Variants in ZNF432 observed in about 807,000 individuals in gnomAD.
ZNF432 encodes the protein zinc finger protein 432.
In ZNF432, 10 loss-of-function variants were observed where a neutral mutation model predicts 13.9. The observed-to-expected ratio is 0.72, with a 90% confidence interval of 0.44 to 1.22. The LOEUF (loss-of-function observed/expected upper bound fraction) is 1.22. ZNF432 is among the 50% of genes most tolerant of loss of function. The probability of loss-of-function intolerance (pLI) is 0.00; values close to 1 mark genes in which losing one functional copy is unlikely to be tolerated. For missense variants in ZNF432, 793 were observed against 796.2 expected, an observed-to-expected ratio of 1.00 and a Z score of 0.05; for synonymous variants, 247 against 256.2, an observed-to-expected ratio of 0.96 and a Z score of 0.34.
At chr19:52,048,048 T>C (rs1038240830) in intron 1 of ZNF432, among the ~76,000 whole-genome samples, 3 of 151,198 alleles carry the variant, frequency 2.0e-5, no homozygotes, top group Non-Finnish European at 2.9e-5. Context: ...AGAAAACTCA[T>C]TGTGGAGGAG....
rs16983401 is a variant in ZNF432 at position 52,041,363 on chromosome 19, G to A, written c.142+117C>T. ...GTATATCCTTTTATCAGAAGCCAGA[G>A]GATGTGCCAAAAATCTAATATTCAG... On this transcript the variant is annotated intron_variant, in intron 3 of 4. Transcript: ENST00000221315. The A allele has an allele frequency of 4.0e-3, 5,303 of 1,339,652 alleles. 168 individuals carry two copies. The African/African-American group carries it at 0.069, about 17-fold the overall frequency. 83.0% of individuals were successfully genotyped at this position (1,339,652 alleles called of 1,614,324 possible).
chr19:52,036,332 T>C (rs1469335875), intron 4 of ZNF432, among the ~76,000 whole-genome samples: 1 of 152,216 alleles, frequency 6.6e-6, no homozygotes, highest in African/African-American at 2.4e-5. Flanking sequence ...TAAGTGTGGT[T>C]TGATGGAGCA....
intron 2 of ZNF432, among the ~76,000 whole-genome samples, chr19:52,044,282 A>G (rs1455501392): frequency 6.6e-6 from 1 of 152,186 alleles, no homozygotes; most frequent in East Asian, 1.9e-4. Context: ...TTCATACTCA[A>G]AAATAAGTTT....
rs776274097 is a variant in ZNF432 at position 52,034,799 on chromosome 19, A to G, written c.880T>C (p.Cys294Arg). The change falls in exon 5 of 5, where the codon TGT becomes CGT. Residue 294 changes from cysteine (C) to arginine (R), a missense_variant. Transcript: ENST00000221315. ...CGCTTGCCTGGGAAGCCTTTTCCAC[A>G]TTCATTGCATATGTAGGGTTTCTCT... ...TGEKPYICNE[C>R]GKGFPGKRNL... 6.2e-7 allele frequency: 1 copy of G among 1,612,400 alleles called. No homozygotes were observed. Among genetic ancestry groups the G allele is most frequent in the Non-Finnish European group, 8.5e-7 (1 of 1,179,266 alleles).
At chr19:52,045,877 C>T (rs2087176624) in intron 2 of ZNF432, among the ~76,000 whole-genome samples, 1 of 151,326 alleles carries the variant, frequency 6.6e-6, no homozygotes, top group African/African-American at 2.4e-5. Flanking sequence ...CACCTGTAAT[C>T]CCAGCTACTC....
intron 2 of ZNF432, among the ~76,000 whole-genome samples, chr19:52,046,389 T>C (rs2087183615): frequency 6.6e-6 from 1 of 152,220 alleles, no homozygotes; most frequent in Admixed American, 6.5e-5. Flanking sequence ...GCCTGGTCTA[T>C]TTCCATAGGA....
chr19:52,036,477 G>C (rs2087082107), intron 4 of ZNF432, among the ~76,000 whole-genome samples: 1 of 152,210 alleles, frequency 6.6e-6, no homozygotes, highest in South Asian at 2.1e-4. Context: ...TGAGCCACTG[G>C]GTAGATGACA....
At chr19:52,045,449 C>A (rs918850510) in intron 2 of ZNF432, among the ~76,000 whole-genome samples, 1 of 150,210 alleles carries the variant, frequency 6.7e-6, no homozygotes, top group Admixed American at 6.6e-5. Context: ...CTCCACCTCC[C>A]GGATTCAAGC....
intron 2 of ZNF432, among the ~76,000 whole-genome samples, chr19:52,045,547 G>C (rs1028631459): frequency 6.6e-6 from 1 of 150,850 alleles, no homozygotes; most frequent in South Asian, 2.1e-4. Flanking sequence ...GTAGAGATAC[G>C]GTTTCTCCAT....
intron 4 of ZNF432, chr19:52,040,264 G>T (rs2087121525): frequency 1.8e-6 from 1 of 559,964 alleles, no homozygotes; most frequent in Admixed American, 3.2e-5. Context: ...TTTAAGAAGA[G>T]AACTCCATAG....
chr19:52,033,678 G>A lies in ZNF432; in HGVS notation c.*42C>T, dbSNP rs2123141111. The A allele has an allele frequency of 6.5e-7, 1 of 1,529,502 alleles. No individual in the cohort carries two copies. Among genetic ancestry groups the A allele is most frequent in the Non-Finnish European group, 8.8e-7 (1 of 1,142,634 alleles). The allele number at this position is 1,529,502 out of a possible 1,614,324, so 94.7% of individuals were successfully genotyped here. On this transcript the variant is annotated 3_prime_UTR_variant, in exon 5 of 5. Transcript: ENST00000221315. ...TGTGAAATCTCTGATGTTGTACAAG[G>A]CAGATTTTCTTCCCAAAGGCATGAA...
chr19:52,043,958 A>G (rs1210929748), intron 2 of ZNF432, among the ~76,000 whole-genome samples: 1 of 152,064 alleles, frequency 6.6e-6, no homozygotes, highest in Non-Finnish European at 1.5e-5. Flanking sequence ...GGCTGGCGGG[A>G]TCCTCCATAT....
rs2087036300 is a variant in ZNF432 at position 52,033,562 on chromosome 19, T to C, written c.*158A>G. The C allele has an allele frequency of 3.7e-6, 3 of 810,932 alleles. No homozygotes were observed. Among genetic ancestry groups the C allele is most frequent in the South Asian group, 4.7e-5 (2 of 42,158 alleles). The allele number at this position is 810,932 out of a possible 1,614,324, so 50.2% of individuals were successfully genotyped here. The stretch of plus-strand genomic sequence containing the variant: ...CAGAGCCTGAATTCATGTTGAAGCC[T>C]TTCTGACATTGATAGCATTCATCCT... On this transcript the variant is annotated 3_prime_UTR_variant, in exon 5 of 5. Coordinates refer to ENST00000221315, the MANE Select transcript of ZNF432 (RefSeq NM_014650.4).
intron 2 of ZNF432, among the ~76,000 whole-genome samples, chr19:52,046,648 T>C (rs149376430): frequency 1.1e-3 from 173 of 152,312 alleles, no homozygotes; most frequent in African/African-American, 3.9e-3. Context: ...GCTAAGGTAA[T>C]GGAAAGGATC....
chr19:52,038,416 G>A (rs1483299366), intron 4 of ZNF432, among the ~76,000 whole-genome samples: 1 of 152,152 alleles, frequency 6.6e-6, no homozygotes, highest in African/African-American at 2.4e-5. Flanking sequence ...CAGCCTTCCT[G>A]AGTAGCTGGG....
intron 2 of ZNF432, 89 bp downstream of exon 2, chr19:52,046,765 A>G (rs1002328473): frequency 2.9e-6 from 4 of 1,382,794 alleles, no homozygotes; most frequent in African/African-American, 1.4e-5. Context: ...TTTAAAGTTT[A>G]TTTCTCTCTA....
intron 3 of ZNF432, among the ~76,000 whole-genome samples, chr19:52,041,158 T>C (rs112777689): frequency 7.9e-5 from 12 of 152,258 alleles, no homozygotes; most frequent in African/African-American, 2.6e-4. Context: ...ACTATGTACA[T>C]AGCATTTACA....
chr19:52,042,924 C>A (rs2087149155), intron 2 of ZNF432, among the ~76,000 whole-genome samples: 1 of 152,136 alleles, frequency 6.6e-6, no homozygotes, highest in Non-Finnish European at 1.5e-5. Context: ...TCCACAGAAA[C>A]AAAAGAAGCA....
intron 1 of ZNF432, among the ~76,000 whole-genome samples, chr19:52,047,644 C>T (rs2087198478): frequency 1.4e-5 from 2 of 147,580 alleles, no homozygotes; most frequent in Non-Finnish European, 3.0e-5. Context: ...GCACTCAAGC[C>T]TGGGCGACAA....
Sources: gnomAD v4.1 joint callset for allele counts (sites outside exome capture counted in the v4.1 genomes callset) on GRCh38, gnomAD v4.1.1 for gene constraint, MANE v1.5 for transcripts, NCBI Gene and HGNC (gene_info 2026-07-23, HGNC 2026-07-21) for gene names.